Variants in DPP6 observed in about 807,000 individuals in gnomAD.
The protein encoded by DPP6 is A-type potassium channel modulatory protein DPP6.
A neutral mutation model predicts 122.6 loss-of-function variants in DPP6; 69 were observed. The ratio of observed to expected loss-of-function variants is 0.56; its 90% CI spans 0.46 to 0.69. The LOEUF is 0.69. Among genes scored for constraint, DPP6 ranks in the 30% least tolerant of loss-of-function variants. The pLI is 0.00. For synonymous variants in DPP6, 418 were observed against 433.1 expected (o/e 0.97, Z 0.43); for missense variants, 928 against 1,116.9 (o/e 0.83, Z 2.41).
chr7:153,803,862 T>C, the DPP6 span, among the ~76,000 whole-genome samples: 4,979 of 151,438 alleles, frequency 0.033, 263 homozygotes, highest in African/African-American at 0.11. Flanking sequence ...CACATATATA[T>C]ATACACACAA....
intron 6 of DPP6, among the ~76,000 whole-genome samples, chr7:154,668,197 T>TTTTATATATATATATA (rs752665377): frequency 1.4e-4 from 5 of 36,470 alleles, no homozygotes; most frequent in African/African-American, 2.4e-4. Context: ...TGTGTATATT[T>TTTTATATATATATATA]TATATATATA....
chr7:154,764,221 G>C (rs1795755785), intron 8 of DPP6, among the ~76,000 whole-genome samples: 3 of 152,112 alleles, frequency 2.0e-5, no homozygotes, highest in Admixed American at 6.5e-5. Flanking sequence ...CTTGTGAATG[G>C]AATTGACCAC....
chr7:154,112,364 G>A (rs1433617574), intron 1 of DPP6, among the ~76,000 whole-genome samples: 1 of 152,078 alleles, frequency 6.6e-6, no homozygotes, highest in Non-Finnish European at 1.5e-5. Flanking sequence ...ATAAAAGGTG[G>A]CCAGGCATGG....
intron 12 of DPP6, among the ~76,000 whole-genome samples, chr7:154,797,109 T>G (rs1162162954): frequency 3.3e-5 from 5 of 152,238 alleles, no homozygotes; most frequent in African/African-American, 1.2e-4. Context: ...CATCTCACAT[T>G]AGACAAATTG....
At chr7:154,005,989 T>C (rs1448916731) in intron 1 of DPP6, among the ~76,000 whole-genome samples, 2 of 152,096 alleles carry the variant, frequency 1.3e-5, no homozygotes, top group African/African-American at 2.4e-5. Flanking sequence ...TCAGGCGGGC[T>C]GAAGCTTCTG....
intron 17 of DPP6, among the ~76,000 whole-genome samples, chr7:154,867,742 G>A (rs1804007375): frequency 6.6e-6 from 1 of 152,180 alleles, no homozygotes; most frequent in African/African-American, 2.4e-5. Context: ...CCTCTGGTGG[G>A]GGAAGGAGAA....
At chr7:153,823,643 G>T in the DPP6 span, among the ~76,000 whole-genome samples, 3 of 150,308 alleles carry the variant, frequency 2.0e-5, 1 homozygote, top group Non-Finnish European at 4.4e-5. Flanking sequence ...ACTCCCCGGG[G>T]ATCAGGGAAG....
At chr7:153,767,109 G>A in the DPP6 span, among the ~76,000 whole-genome samples, 862 of 122,942 alleles carry the variant, frequency 7.0e-3, 6 homozygotes, top group African/African-American at 0.023. Context: ...TAGAAAAGAA[G>A]GAAGTCAGGG....
chr7:154,378,854 G>C (rs1022281824), intron 1 of DPP6, among the ~76,000 whole-genome samples: 13 of 152,192 alleles, frequency 8.5e-5, no homozygotes, highest in African/African-American at 3.1e-4. Context: ...GCAGGAAAGA[G>C]AGCGAGTGAG....
At chr7:154,160,875 G>A (rs1341073772) in intron 1 of DPP6, among the ~76,000 whole-genome samples, 17 of 151,696 alleles carry the variant, frequency 1.1e-4, no homozygotes, top group Non-Finnish European at 1.8e-4. Flanking sequence ...AGGCAGGTGC[G>A]GGGAGGGAAT....
intron 2 of DPP6, among the ~76,000 whole-genome samples, chr7:154,467,959 C>A (rs904000652): frequency 2.0e-5 from 3 of 152,174 alleles, no homozygotes; most frequent in Admixed American, 2.0e-4. Context: ...TTCAGCCATG[C>A]TCTCAGGATG....
At chr7:154,597,070 A>C (rs1045803450) in intron 5 of DPP6, among the ~76,000 whole-genome samples, 11 of 152,124 alleles carry the variant, frequency 7.2e-5, no homozygotes, top group Non-Finnish European at 8.8e-5. Context: ...GAAGAACTAC[A>C]AAAAAACCTC....
chr7:154,680,686 AT>A (rs11295169), intron 7 of DPP6, among the ~76,000 whole-genome samples: 42,042 of 133,354 alleles, frequency 0.32, 5,991 homozygotes, highest in Non-Finnish European at 0.33. Context: ...TTATATATAT[AT>A]TTTTTTTAAA....
intron 1 of DPP6, among the ~76,000 whole-genome samples, chr7:154,297,302 G>C (rs565477193): frequency 7.2e-5 from 11 of 152,162 alleles, no homozygotes; most frequent in African/African-American, 2.6e-4. Flanking sequence ...CTCCTGTTGT[G>C]GTACATAGGC....
chr7:154,516,229 C>T (rs1826488923), intron 3 of DPP6, among the ~76,000 whole-genome samples: 2 of 151,614 alleles, frequency 1.3e-5, no homozygotes. Flanking sequence ...CCCAGATGAC[C>T]AGAAGGACTT....
chr7:153,977,139 C>T (rs1237285942), intron 1 of DPP6, among the ~76,000 whole-genome samples: 1 of 152,076 alleles, frequency 6.6e-6, no homozygotes, highest in African/African-American at 2.4e-5. Context: ...TCTCTAGACT[C>T]CTCTTGGCCC....
chr7:153,992,580 T>A (rs1346754760), intron 1 of DPP6, among the ~76,000 whole-genome samples: 40 of 152,224 alleles, frequency 2.6e-4, no homozygotes, highest in Non-Finnish European at 4.0e-4. Flanking sequence ...CTCTCCAGCA[T>A]CTAATCCGTC....
chr7:153,976,453 CT>C (rs1445271963), intron 1 of DPP6, among the ~76,000 whole-genome samples: 1 of 152,212 alleles, frequency 6.6e-6, no homozygotes, highest in Non-Finnish European at 1.5e-5. Context: ...GTGTTTCAGT[CT>C]TATTATCCCT....
intron 1 of DPP6, among the ~76,000 whole-genome samples, chr7:154,358,151 A>G (rs1369547249): frequency 6.6e-6 from 1 of 152,156 alleles, no homozygotes; most frequent in Non-Finnish European, 1.5e-5. Context: ...CCTGTCTTAC[A>G]ACAAACAGTA....
Sources: gnomAD v4.1 joint callset for allele counts (sites outside exome capture counted in the v4.1 genomes callset) on GRCh38, gnomAD v4.1.1 for gene constraint, MANE v1.5 for transcripts, NCBI Gene and HGNC (gene_info 2026-07-23, HGNC 2026-07-21) for gene names.